The following CIB4 variants were observed in gnomAD, a reference collection of about 807,000 sequenced individuals.
CIB4 encodes calcium and integrin-binding family member 4.
In CIB4, 25 loss-of-function variants were observed where a neutral mutation model predicts 25.8. The observed-to-expected ratio is 0.97, with a 90% CI of 0.71 to 1.35. The LOEUF (loss-of-function observed/expected upper bound fraction) is 1.35, where lower values mean the gene tolerates loss of function less well. Ranked by LOEUF, CIB4 falls within the 40% of genes most tolerant of loss-of-function variation. The probability of loss-of-function intolerance (pLI) is 0.00; values close to 1 mark genes in which losing one functional copy is unlikely to be tolerated. For missense variants in CIB4, 235 were observed against 228.2 expected, an observed-to-expected ratio of 1.03 and a Z score of -0.19; for synonymous variants, 75 against 81.4, an observed-to-expected ratio of 0.92 and a Z score of 0.42.
At chr2:26,640,466 T>G (rs1175261336) in intron 2 of CIB4, 67 bp downstream of exon 2, 11 of 1,535,288 alleles carry the variant, frequency 7.2e-6, no homozygotes, top group Non-Finnish European at 9.9e-6. Flanking sequence ...TGAGGCTGTA[T>G]TAGGGCAAGA....
intron 4 of CIB4, among the ~76,000 whole-genome samples, chr2:26,585,868 C>G (rs1438460999): frequency 6.6e-6 from 1 of 152,068 alleles, no homozygotes; most frequent in Non-Finnish European, 1.5e-5. Context: ...ATGCTCCCCT[C>G]CCCAGCCCTT....
At chr2:26,638,179 G>A (rs780707701) in intron 2 of CIB4, among the ~76,000 whole-genome samples, 3 of 152,132 alleles carry the variant, frequency 2.0e-5, no homozygotes, top group Non-Finnish European at 4.4e-5. Flanking sequence ...ACCATGAACC[G>A]TGAACTGTGA....
At chr2:26,639,998 C>T (rs1002388797) in intron 2 of CIB4, among the ~76,000 whole-genome samples, 1 of 152,070 alleles carries the variant, frequency 6.6e-6, no homozygotes, top group African/African-American at 2.4e-5. Context: ...AAGTTTCTTC[C>T]CCACTGGACA....
intron 3 of CIB4, among the ~76,000 whole-genome samples, chr2:26,617,823 C>A (rs952250954): frequency 6.6e-6 from 1 of 152,136 alleles, no homozygotes; most frequent in African/African-American, 2.4e-5. Flanking sequence ...GCCCTGAGTT[C>A]GTGACAGCCA....
intron 3 of CIB4, among the ~76,000 whole-genome samples, chr2:26,613,048 A>G (rs1311063174): frequency 6.6e-6 from 1 of 152,156 alleles, no homozygotes; most frequent in Non-Finnish European, 1.5e-5. Flanking sequence ...CCTTTCCCCA[A>G]GGCCTAGGGG....
intron 4 of CIB4, among the ~76,000 whole-genome samples, chr2:26,592,394 C>A (rs141382027): frequency 6.6e-6 from 1 of 152,180 alleles, no homozygotes; most frequent in East Asian, 1.9e-4. Flanking sequence ...GAAGGGGGAA[C>A]GCTGGTGTGG....
chr2:26,612,284 A>C (rs1669009515), intron 3 of CIB4, among the ~76,000 whole-genome samples: 1 of 152,238 alleles, frequency 6.6e-6, no homozygotes, highest in African/African-American at 2.4e-5. Context: ...AGAGCTCAAT[A>C]AGAACGGAAG....
At chr2:26,636,864 A>G (rs932550901) in intron 2 of CIB4, among the ~76,000 whole-genome samples, 1 of 152,078 alleles carries the variant, frequency 6.6e-6, no homozygotes, top group Non-Finnish European at 1.5e-5. Context: ...GATTCTCTGT[A>G]GTCTGTTTTG....
intron 3 of CIB4, among the ~76,000 whole-genome samples, chr2:26,615,310 G>A (rs371310805): frequency 6.6e-6 from 1 of 152,204 alleles, no homozygotes; most frequent in Non-Finnish European, 1.5e-5. Flanking sequence ...ACTGCAGCCA[G>A]GTGAGCAGTG....
chr2:26,621,599 T>C (rs1463577400), intron 3 of CIB4, among the ~76,000 whole-genome samples: 1 of 152,158 alleles, frequency 6.6e-6, no homozygotes, highest in East Asian at 1.9e-4. Flanking sequence ...CATTTTCAGA[T>C]ATGTAAGTTG....
At chr2:26,626,487 G>A (rs566619061) in intron 3 of CIB4, among the ~76,000 whole-genome samples, 8 of 151,548 alleles carry the variant, frequency 5.3e-5, no homozygotes, top group Non-Finnish European at 1.2e-4. Flanking sequence ...AAGCCAAAAT[G>A]ATTGTGGCAG....
intron 3 of CIB4, among the ~76,000 whole-genome samples, chr2:26,621,381 T>C (rs1217790916): frequency 1.3e-5 from 2 of 151,576 alleles, no homozygotes; most frequent in Non-Finnish European, 1.5e-5. Context: ...AGAAAAATGA[T>C]ATCCAACCTA....
chr2:26,606,833 G>A (rs376828571), intron 3 of CIB4, among the ~76,000 whole-genome samples: 46 of 152,312 alleles, frequency 3.0e-4, no homozygotes, highest in African/African-American at 1.1e-3. Context: ...AGGCTCAAAT[G>A]GGAGCTGTCT....
intron 3 of CIB4, among the ~76,000 whole-genome samples, chr2:26,620,807 G>C (rs1458867791): frequency 1.3e-5 from 2 of 152,092 alleles, no homozygotes; most frequent in Non-Finnish European, 2.9e-5. Flanking sequence ...AAACAAGTGA[G>C]AAAAGCACCT....
At chr2:26,634,042 C>T (rs562367468) in intron 2 of CIB4, among the ~76,000 whole-genome samples, 7 of 152,144 alleles carry the variant, frequency 4.6e-5, no homozygotes, top group South Asian at 2.1e-4. Flanking sequence ...TAGTTCTCAA[C>T]GGGGTCCCAC....
chr2:26,597,212 A>G (rs545095445), intron 3 of CIB4, among the ~76,000 whole-genome samples: 3 of 152,246 alleles, frequency 2.0e-5, no homozygotes, highest in Non-Finnish European at 2.9e-5. Flanking sequence ...AAAGAATGTC[A>G]GTGGATTTTG....
intron 2 of CIB4, among the ~76,000 whole-genome samples, chr2:26,632,267 C>T (rs1450733077): frequency 1.3e-5 from 2 of 152,158 alleles, no homozygotes; most frequent in African/African-American, 2.4e-5. Flanking sequence ...CCATGACTGC[C>T]GCCTTGGCCA....
intron 4 of CIB4, among the ~76,000 whole-genome samples, chr2:26,591,152 G>C (rs894823814): frequency 6.6e-6 from 1 of 152,240 alleles, no homozygotes; most frequent in African/African-American, 2.4e-5. Context: ...CCGTCTCTGA[G>C]AAGTGTCCCC....
Position 26,595,242 on chromosome 2 carries a change from T to C in CIB4, c.262A>G (p.Met88Val), listed in dbSNP as rs1458783933. Residue 88 changes from methionine to valine, a missense_variant, in exon 4 of 7, where the codon ATG becomes GTG. Physicochemically the swap from Met to Val is conservative, Grantham distance 21. Coordinates refer to ENST00000288861, the MANE Select transcript of CIB4 (RefSeq NM_001029881.3). ...GMFSFEDVLG[M>V]ASVFSEQACP... ...GCCTGCTCGCTGAACACAGATGCCA[T>C]GCCCAGCACATCCTCAAAGGAGAAC... 6.2e-7 allele frequency: 1 copy of C among 1,614,150 alleles called. No individual in the cohort carries two copies. Among genetic ancestry groups the C allele is most frequent in the East Asian group, 2.2e-5 (1 of 44,880 alleles).
Sources: gnomAD v4.1 joint callset for allele counts (sites outside exome capture counted in the v4.1 genomes callset) on GRCh38, gnomAD v4.1.1 for gene constraint, MANE v1.5 for transcripts, NCBI Gene and HGNC (gene_info 2026-07-23, HGNC 2026-07-21) for gene names.